GOSR1: variants seen among roughly 807,000 people sequenced by gnomAD.
GOSR1 encodes 28 kDa Golgi SNARE protein.
In GOSR1, 21 loss-of-function variants were observed where a neutral mutation model predicts 35.5. The ratio of observed to expected loss-of-function variants is 0.59; its 90% CI spans 0.42 to 0.85. The LOEUF is 0.85. GOSR1 is among the 40% of genes least tolerant of loss of function. The probability of loss-of-function intolerance (pLI) is 0.00; values close to 1 mark genes in which losing one functional copy is unlikely to be tolerated. For synonymous variants in GOSR1, 94 were observed against 106.6 expected (o/e 0.88, Z 0.73); for missense variants, 285 against 309.6 (o/e 0.92, Z 0.60).
intron 6 of GOSR1, among the ~76,000 whole-genome samples, chr17:30,496,564 G>A (rs773598555): frequency 1.3e-5 from 2 of 152,116 alleles, no homozygotes; most frequent in Admixed American, 6.5e-5. Flanking sequence ...AGTGTTCCAG[G>A]CAGAAATTAG....
chr17:30,506,968 T>A (rs1967423625), intron 6 of GOSR1, among the ~76,000 whole-genome samples: 1 of 152,174 alleles, frequency 6.6e-6, no homozygotes, highest in Non-Finnish European at 1.5e-5. Flanking sequence ...TTGCTGAATA[T>A]TTTAAGCCCA....
intron 7 of GOSR1, among the ~76,000 whole-genome samples, chr17:30,516,931 C>G (rs1288550951): frequency 6.6e-6 from 1 of 152,208 alleles, no homozygotes; most frequent in Non-Finnish European, 1.5e-5. Flanking sequence ...CCAGGCTGGT[C>G]TTGAACTCCT....
At chr17:30,477,501 G>A in intron 1 of GOSR1, 37 bp downstream of exon 1, 1 of 1,600,762 alleles carries the variant, frequency 6.2e-7, no homozygotes, top group South Asian at 1.1e-5. Flanking sequence ...GTCCTACGAG[G>A]GTGAGAGGGG....
chr17:30,517,847 T>C (rs1967878437), intron 7 of GOSR1, among the ~76,000 whole-genome samples: 1 of 152,234 alleles, frequency 6.6e-6, no homozygotes, highest in South Asian at 2.1e-4. Context: ...ATATTCCTTC[T>C]AGCATTTCCC....
chr17:30,512,363 T>G lies in GOSR1; in HGVS notation c.539+1454T>G, dbSNP rs146567877. On this transcript the variant is annotated intron_variant, in intron 7 of 8. Transcript: ENST00000451249. ...CTTTTTATTTGGATATCATTTCAGATTTCAGAAAAATTTCAGTAGTGAAAA... is the reference window on the plus strand; with the variant it reads ...CTTTTTATTTGGATATCATTTCAGAGTTCAGAAAAATTTCAGTAGTGAAAA... Among the ~76,000 whole-genome samples the G allele has an allele frequency of 2.6e-3, 393 of 152,298 alleles. 3 individuals carry two copies. The highest frequency in any genetic ancestry group is 0.01 in the Middle Eastern group (3 of 294).
At chr17:30,491,956 G>A (rs1028452310) in intron 5 of GOSR1, among the ~76,000 whole-genome samples, 2 of 151,952 alleles carry the variant, frequency 1.3e-5, no homozygotes, top group Non-Finnish European at 1.5e-5. Flanking sequence ...CCTTGGTGGT[G>A]GTTTCTCCTG....
At chr17:30,501,171 C>T (rs530378695) in intron 6 of GOSR1, among the ~76,000 whole-genome samples, 7 of 152,138 alleles carry the variant, frequency 4.6e-5, no homozygotes, top group East Asian at 1.9e-4. Flanking sequence ...TGAGCCACCG[C>T]GCCCGGCCAC....
At chr17:30,498,670 T>A (rs561022159) in intron 6 of GOSR1, among the ~76,000 whole-genome samples, 6 of 152,262 alleles carry the variant, frequency 3.9e-5, no homozygotes, top group African/African-American at 1.2e-4. Context: ...CCTCATACAT[T>A]ATTAAATGGA....
At chr17:30,507,748 G>C (rs1967458475) in intron 6 of GOSR1, among the ~76,000 whole-genome samples, 2 of 150,082 alleles carry the variant, frequency 1.3e-5, no homozygotes, top group South Asian at 4.2e-4. Flanking sequence ...AAAAAAGTTA[G>C]AAAGCGGAGC....
intron 7 of GOSR1, among the ~76,000 whole-genome samples, chr17:30,515,281 C>T (rs1967759952): frequency 6.7e-6 from 1 of 149,322 alleles, no homozygotes; most frequent in South Asian, 2.1e-4. Context: ...GCACACACCA[C>T]CATGCCCAGC....
At chr17:30,480,834 T>C (rs766068586) in intron 1 of GOSR1, 3 of 192,420 alleles carry the variant, frequency 1.6e-5, no homozygotes, top group Non-Finnish European at 3.3e-5. Flanking sequence ...TGCCTCAGCC[T>C]TCCGAGTAGC....
At chr17:30,477,889 T>C (rs770009093) in intron 1 of GOSR1, 42 of 985,002 alleles carry the variant, frequency 4.3e-5, no homozygotes, top group Non-Finnish European at 4.9e-5. Context: ...ATTGGAAAAC[T>C]GAGTGGGAAA....
chr17:30,477,735 C>T lies in GOSR1; in HGVS notation c.31+271C>T, dbSNP rs893871506. 1.2e-5 allele frequency: 12 copies of T among 984,958 alleles called. No individual in the cohort carries two copies. The African/African-American group carries it at 2.1e-4, about 17-fold the overall frequency. The allele number at this position is 984,958 out of a possible 1,614,324, so 61.0% of individuals were successfully genotyped here. A position where few individuals can be genotyped will look rare whatever the true frequency, so the allele number is the denominator to read the frequency against. On this transcript the variant is annotated intron_variant, in intron 1 of 8. Transcript: ENST00000451249. ...GATGTAGAGGAAGAGGGCTCTCAAT[C>T]GCCTGGGTAGAATTGTGTTGAGGGA...
intron 1 of GOSR1, chr17:30,478,364 T>C (rs1486711196): frequency 1.3e-5 from 2 of 152,198 alleles, no homozygotes; most frequent in Admixed American, 6.5e-5. Flanking sequence ...GAAACCACAG[T>C]ATTGTCACTA....
At chr17:30,492,865 T>G in intron 6 of GOSR1, 112 bp downstream of exon 6, 1 of 656,378 alleles carries the variant, frequency 1.5e-6, no homozygotes, top group East Asian at 2.7e-5. Flanking sequence ...TCCATGCTAA[T>G]TCATTTTATT....
At chr17:30,516,473 CA>C (rs1445420438) in intron 7 of GOSR1, among the ~76,000 whole-genome samples, 3 of 136,706 alleles carry the variant, frequency 2.2e-5, no homozygotes, top group Non-Finnish European at 1.6e-5. Flanking sequence ...CCGTCTCAAA[CA>C]AAAAAAAAGA....
At chr17:30,504,242 G>C (rs1967321666) in intron 6 of GOSR1, among the ~76,000 whole-genome samples, 1 of 152,072 alleles carries the variant, frequency 6.6e-6, no homozygotes, top group South Asian at 2.1e-4. Context: ...GGCTAGGCTG[G>C]TCTCGAGCTC....
At chr17:30,484,615 T>C in intron 3 of GOSR1, 48 bp from the exon 4 acceptor site, 1 of 1,037,238 alleles carries the variant, frequency 9.6e-7, no homozygotes, top group Non-Finnish European at 1.4e-6. Context: ...TAGCTGTTTA[T>C]AGTGCTTAGT....
intron 6 of GOSR1, among the ~76,000 whole-genome samples, chr17:30,509,045 G>A (rs1286797254): frequency 6.6e-6 from 1 of 151,840 alleles, no homozygotes; most frequent in Non-Finnish European, 1.5e-5. Flanking sequence ...GCGCAATCTC[G>A]GCTCACTGCA....
Sources: allele counts gnomAD v4.1 joint callset (sites outside exome capture counted in the v4.1 genomes callset), GRCh38; gene constraint gnomAD v4.1.1; transcripts MANE v1.5; gene names NCBI Gene and HGNC (gene_info 2026-07-23, HGNC 2026-07-21).